The following KANTR variants were observed in gnomAD, a reference collection of about 807,000 sequenced individuals.
The protein encoded by KANTR is KANTR integral membrane protein.
chrX:53,117,438 C>T (rs930531046), intron 2 of KANTR, among the ~76,000 whole-genome samples: 36 of 110,498 alleles, frequency 3.3e-4, no homozygotes, highest in African/African-American at 1.1e-3. Context: ...CCCCACCACT[C>T]CACTCCTGAA....
intron 2 of KANTR, 43 bp downstream of exon 2, chrX:53,099,651 C>G (rs1460121021): frequency 9.0e-6 from 1 of 111,715 alleles, no homozygotes; most frequent in Non-Finnish European, 1.9e-5. Context: ...TTTCCCGGAT[C>G]CATCAGAGGA....
downstream of KANTR, chrX:53,143,421 T>C (rs1602130491): frequency 1.6e-6 from 1 of 628,208 alleles, no homozygotes; most frequent in African/African-American, 2.2e-5. Context: ...CCCTCGTAGA[T>C]GGGTACCATG....
downstream of KANTR, chrX:53,143,284 C>T (rs1439934064): frequency 1.8e-5 from 11 of 596,486 alleles, no homozygotes; most frequent in Non-Finnish European, 2.8e-5. Context: ...CACACCTTCT[C>T]GTTGATGTCG....
intron 2 of KANTR, among the ~76,000 whole-genome samples, chrX:53,139,395 G>A (rs1933471704): frequency 8.9e-6 from 1 of 111,801 alleles, no homozygotes; most frequent in African/African-American, 3.3e-5. Context: ...GCAAAATTAA[G>A]GATTTGTGCT....
At chrX:53,135,911 C>T (rs1256845816) in intron 2 of KANTR, among the ~76,000 whole-genome samples, 1 of 112,026 alleles carries the variant, frequency 8.9e-6, no homozygotes, top group Non-Finnish European at 1.9e-5. Flanking sequence ...GGGAAATGAG[C>T]CTATCATCAA....
At chrX:53,132,291 G>A (rs1453504624), downstream of KANTR, among the ~76,000 whole-genome samples, 1 of 111,777 alleles carries the variant, frequency 8.9e-6, no homozygotes, top group African/African-American at 3.3e-5. Context: ...GGTACAGTGT[G>A]TAGAAACCCT....
intron 2 of KANTR, among the ~76,000 whole-genome samples, chrX:53,116,762 T>C (rs1556814633): frequency 8.9e-6 from 1 of 111,875 alleles, no homozygotes; most frequent in East Asian, 2.8e-4. Flanking sequence ...TTTTCATTGT[T>C]TTAGAGGGAA....
chrX:53,121,599 G>GT (rs56168536), intron 2 of KANTR, among the ~76,000 whole-genome samples: 235 of 100,933 alleles, frequency 2.3e-3, no homozygotes, highest in Non-Finnish European at 4.0e-3. Context: ...GTCTGTTCTT[G>GT]TTTTTTTTTT....
In KANTR at chrX:53,124,163, C is replaced by T. The variant is rs12389858; in HGVS notation, c.-110C>T. On this transcript the variant is annotated 5_prime_UTR_variant, in exon 3 of 3. Coordinates refer to ENST00000604062, the Ensembl canonical transcript of KANTR. ...TGAGGATTTCTTTTTCTTCTTGAGT[C>T]GATTTTGGTAAGATAACAGTTTTCT... 866 of 291,627 alleles carry T rather than the reference C, an allele frequency of 3.0e-3. 6 individuals are homozygous for T. The highest frequency in any genetic ancestry group is 0.021 in the African/African-American group (779 of 36,289). 24.0% of individuals were successfully genotyped at this position (291,627 alleles called of 1,213,427 possible).
intron 2 of KANTR, among the ~76,000 whole-genome samples, chrX:53,102,984 G>GTTTTTTT: frequency 1.4e-5 from 1 of 73,878 alleles, no homozygotes; most frequent in Non-Finnish European, 2.6e-5. Flanking sequence ...TGTTTTGTTT[G>GTTTTTTT]TTTTTTTTTT....
downstream of KANTR, among the ~76,000 whole-genome samples, chrX:53,130,072 G>A (rs958113372): frequency 3.6e-5 from 4 of 110,474 alleles, no homozygotes; most frequent in Non-Finnish European, 7.6e-5. Context: ...TCACCATGTC[G>A]GTCAGGCTGG....
downstream of KANTR, chrX:53,143,608 G>A (rs182065763): frequency 3.0e-5 from 20 of 665,827 alleles, no homozygotes; most frequent in Non-Finnish European, 4.2e-5. Context: ...CAACAGCACC[G>A]GGTGCTTCTC....
At chrX:53,129,839 TCTC>T (rs1933339163), downstream of KANTR, among the ~76,000 whole-genome samples, 1 of 90,163 alleles carries the variant, frequency 1.1e-5, no homozygotes, top group Non-Finnish European at 2.3e-5. Flanking sequence ...TAAAAAGTGT[TCTC>T]CTTACAAATT....
At chrX:53,143,000 G>A, downstream of KANTR, 1 of 1,129,234 alleles carries the variant, frequency 8.9e-7, no homozygotes, top group Non-Finnish European at 1.2e-6. Flanking sequence ...GTGATGCCAG[G>A]GCACATGGTG....
downstream of KANTR, among the ~76,000 whole-genome samples, chrX:53,145,176 C>T (rs1933557123): frequency 9.0e-6 from 1 of 111,234 alleles, no homozygotes; most frequent in Non-Finnish European, 1.9e-5. Flanking sequence ...GGGTACAGTG[C>T]ACTGAGCGTG....
downstream of KANTR, chrX:53,143,226 G>A (rs1933527990): frequency 3.0e-6 from 2 of 655,775 alleles, no homozygotes; most frequent in Non-Finnish European, 5.0e-6. Context: ...CAGGGAGGAG[G>A]AGGATGTGGC....
intron 2 of KANTR, among the ~76,000 whole-genome samples, chrX:53,140,359 G>C (rs1933484541): frequency 9.0e-6 from 1 of 110,843 alleles, no homozygotes; most frequent in Admixed American, 9.6e-5. Context: ...AACTTAGCTG[G>C]ATGTGGTGGT....
chrX:53,095,125 C>G (rs1215882524), intron 1 of KANTR, among the ~76,000 whole-genome samples: 1 of 112,315 alleles, frequency 8.9e-6, no homozygotes, highest in Non-Finnish European at 1.9e-5. Flanking sequence ...AGAGAACTCT[C>G]TTTGCTCCCC....
chrX:53,116,866 C>T (rs1454267019), intron 2 of KANTR, among the ~76,000 whole-genome samples: 1 of 111,988 alleles, frequency 8.9e-6, no homozygotes, highest in Non-Finnish European at 1.9e-5. Context: ...ATCTCACATG[C>T]CTTTGCAGTT....
Sources: gnomAD v4.1 joint callset for allele counts (sites outside exome capture counted in the v4.1 genomes callset) on GRCh38, gnomAD v4.1.1 for gene constraint, MANE v1.5 for transcripts, NCBI Gene and HGNC (gene_info 2026-07-23, HGNC 2026-07-21) for gene names.